The following SPTY2D1 variants were observed in gnomAD, a reference collection of about 807,000 sequenced individuals.
SPTY2D1 encodes protein SPT2 homolog.
SPTY2D1 carries 21 observed loss-of-function variants against 64.0 expected under a neutral mutation model. The ratio of observed to expected loss-of-function variants is 0.33; its 90% CI spans 0.23 to 0.47. The LOEUF (loss-of-function observed/expected upper bound fraction) is 0.47, where lower values mean the gene tolerates loss of function less well. SPTY2D1 is among the 20% of genes least tolerant of loss of function. The probability of loss-of-function intolerance (pLI) is 1.00; values close to 1 mark genes in which losing one functional copy is unlikely to be tolerated. For synonymous variants in SPTY2D1, 287 were observed against 286.8 expected (o/e 1.00, Z -0.01); for missense variants, 724 against 837.2 (o/e 0.86, Z 1.67).
Position 18,612,487 on chromosome 11 carries a change from A to G in SPTY2D1, c.1713T>C (p.Gly571=). The stretch of plus-strand genomic sequence containing the variant: ...CAGTAGGGAAGGGAAGCCTTTGAGG[A>G]CCTAAGAAACCATTATTTATAAGAA... ...PPLSGYRAAQ[G]PQRLPFPTGY... is the part of the protein sequence containing the mutation. Residue 571 remains glycine, a splice_region_variant and synonymous_variant, in exon 4 of 6, where the codon GGT becomes GGC. Coordinates refer to ENST00000336349, the MANE Select transcript of SPTY2D1 (RefSeq NM_194285.3). The surrounding 1 kb of genome is among the most constrained non-coding windows in gnomAD (Gnocchi z 4.6). The G allele has an allele frequency of 1.3e-6, 2 of 1,581,052 alleles. No homozygotes were observed. The highest frequency in any genetic ancestry group is 1.7e-6 in the Non-Finnish European group (2 of 1,168,864).
chr11:18,625,001 GA>G (rs1217028890), intron 1 of SPTY2D1, among the ~76,000 whole-genome samples: 4 of 148,244 alleles, frequency 2.7e-5, no homozygotes, highest in African/African-American at 4.9e-5. Context: ...TCCGTCTCAA[GA>G]AAAAAAAAAG....
intron 5 of SPTY2D1, 197 bp from the exon 6 acceptor site, chr11:18,610,151 AAG>A (rs1264429743): frequency 2.0e-6 from 1 of 495,400 alleles, no homozygotes; most frequent in African/African-American, 1.9e-5. Context: ...TCGTGGGAAA[AAG>A]AACTCACACA....
intron 1 of SPTY2D1, among the ~76,000 whole-genome samples, chr11:18,620,877 ACT>A (rs1042925406): frequency 1.5e-5 from 2 of 129,656 alleles, no homozygotes; most frequent in Middle Eastern, 3.4e-3. Context: ...ACAGAGCAAG[ACT>A]CTATCTCAAA....
intron 2 of SPTY2D1, among the ~76,000 whole-genome samples, chr11:18,616,422 T>A (rs1354818801): frequency 6.6e-6 from 1 of 152,244 alleles, no homozygotes; most frequent in East Asian, 1.9e-4. Context: ...TACTTAAACA[T>A]ATTGAATCAG....
At chr11:18,620,059 A>C (rs1018216024) in intron 1 of SPTY2D1, among the ~76,000 whole-genome samples, 1 of 152,228 alleles carries the variant, frequency 6.6e-6, no homozygotes, top group African/African-American at 2.4e-5. Context: ...AAGGGAAAAC[A>C]TCAGTGTCAA....
At chr11:18,633,399 C>G (rs921318232) in intron 1 of SPTY2D1, among the ~76,000 whole-genome samples, 1 of 152,186 alleles carries the variant, frequency 6.6e-6, no homozygotes, top group African/African-American at 2.4e-5. Flanking sequence ...ATCTGAAAAT[C>G]TGGAAATGAT....
intron 1 of SPTY2D1, among the ~76,000 whole-genome samples, chr11:18,626,790 A>T (rs73424455): frequency 2.1e-3 from 314 of 152,306 alleles, no homozygotes; most frequent in African/African-American, 7.1e-3. Flanking sequence ...TCAGAAAGAG[A>T]TTATCTTGGT....
intron 1 of SPTY2D1, among the ~76,000 whole-genome samples, chr11:18,621,362 AAAGAAAAG>A (rs1319637913): frequency 6.6e-6 from 1 of 151,148 alleles, no homozygotes; most frequent in Non-Finnish European, 1.5e-5. Context: ...AAAGAAAAGA[AAAGAAAAG>A]AAAAGAAACA....
rs750674606 is a variant in SPTY2D1 at position 18,615,181 on chromosome 11, T to C, written c.1093A>G (p.Ser365Gly). The C allele has an allele frequency of 1.9e-6, 3 of 1,614,236 alleles. No individual in the cohort carries two copies. The highest frequency in any genetic ancestry group is 2.5e-6 in the Non-Finnish European group (3 of 1,180,044). The change falls in exon 3 of 6, where the codon AGT (serine) becomes GGT (glycine). Residue 365 changes from serine (S) to glycine (G), a missense_variant. By Grantham distance (56) the Ser-to-Gly change is moderately conservative (BLOSUM62 0). Coordinates refer to ENST00000336349, the MANE Select transcript of SPTY2D1 (RefSeq NM_194285.3). Reference protein sequence around the residue: ...PMVTPHNKAKSPGVRQPGSSS... With the variant: ...PMVTPHNKAKGPGVRQPGSSS... The stretch of plus-strand genomic sequence containing the variant: ...CTGCCTGGCTGCCTGACACCTGGAC[T>C]CTTAGCCTTATTGTGTGGGGTGACC...
intron 1 of SPTY2D1, among the ~76,000 whole-genome samples, chr11:18,630,286 C>T (rs1228388499): frequency 6.6e-6 from 1 of 151,988 alleles, no homozygotes; most frequent in Non-Finnish European, 1.5e-5. Flanking sequence ...ACCATCCTGA[C>T]CAACATGGTG....
intron 5 of SPTY2D1, 113 bp downstream of exon 5, chr11:18,611,364 G>C: frequency 1.1e-6 from 1 of 919,878 alleles, no homozygotes; most frequent in Non-Finnish European, 1.7e-6. Flanking sequence ...AACAGGATTG[G>C]AATCCAGAAT....
chr11:18,627,566 A>T (rs930491496), intron 1 of SPTY2D1, among the ~76,000 whole-genome samples: 2 of 151,968 alleles, frequency 1.3e-5, no homozygotes, highest in African/African-American at 4.8e-5. Context: ...AACATAGTGA[A>T]ACCCCATCTC....
rs550035190 is a variant in SPTY2D1 at position 18,609,651 on chromosome 11, G to T, written c.*210C>A. On this transcript the variant is annotated 3_prime_UTR_variant, in exon 6 of 6. Transcript: ENST00000336349. ...AGTTAACTTCATAAGAGCACAAGTG[G>T]GCATTATATCATCTGCATTACAGAT... is the stretch of plus-strand genomic sequence containing the variant. The T allele has an allele frequency of 1.7e-6, 1 of 573,680 alleles. No individual in the cohort carries two copies. Among genetic ancestry groups the T allele is most frequent in the Non-Finnish European group, 3.1e-6 (1 of 324,132 alleles). The allele number at this position is 573,680 out of a possible 1,614,324, so 35.5% of individuals were successfully genotyped here. A position where few individuals can be genotyped will look rare whatever the true frequency, so the allele number is the denominator to read the frequency against.
In SPTY2D1 at chr11:18,612,775, T is replaced by G. The variant is rs988620248; in HGVS notation, c.1712-287A>C. The stretch of plus-strand genomic sequence containing the variant: ...CAGTAAAATTTCTTTCTTTCTTTTT[T>G]TTTTTTTTGAGACAGAGTTTCACTT... On this transcript the variant is annotated intron_variant, in intron 3 of 5. Transcript: ENST00000336349. This position sits in a 1 kb window ranked among gnomAD's most constrained non-coding sequence, Gnocchi z 4.6. Among the ~76,000 whole-genome samples the G allele has an allele frequency of 2.0e-5, 3 of 152,016 alleles. No individual in the cohort carries two copies. Among genetic ancestry groups the G allele is most frequent in the Non-Finnish European group, 4.4e-5 (3 of 67,982 alleles).
intron 5 of SPTY2D1, 38 bp from the exon 6 acceptor site, chr11:18,609,992 A>G (rs1452883999): frequency 1.3e-6 from 2 of 1,544,036 alleles, no homozygotes; most frequent in Admixed American, 3.4e-5. Flanking sequence ...GTCAATATAC[A>G]TGAGATGACC....
intron 4 of SPTY2D1, 40 bp from the exon 5 acceptor site, chr11:18,611,594 C>A: frequency 1.3e-6 from 2 of 1,541,990 alleles, no homozygotes; most frequent in South Asian, 2.3e-5. Flanking sequence ...GAGAAAACTT[C>A]AATTTTCTAA....
rs1854294471 is a variant in SPTY2D1 at position 18,616,012 on chromosome 11, T to C, written c.262A>G (p.Arg88Gly). ...TAACCATGGAAATTATCCTTTGTCCTCTTGGCCATAGCTCTTGCTTTCTTG... is the reference window on the plus strand; with the variant it reads ...TAACCATGGAAATTATCCTTTGTCCCCTTGGCCATAGCTCTTGCTTTCTTG... ...HDKKARAMAK[R>G]TKDNFHGYNG... The change falls in exon 3 of 6, where the codon AGG becomes GGG. Residue 88 changes from arginine (R) to glycine (G), a missense_variant. Coordinates refer to ENST00000336349, the MANE Select transcript of SPTY2D1 (RefSeq NM_194285.3). The C allele has an allele frequency of 3.1e-6, 5 of 1,614,244 alleles. No individual in the cohort carries two copies. Among genetic ancestry groups the C allele is most frequent in the Non-Finnish European group, 4.2e-6 (5 of 1,180,042 alleles).
intron 1 of SPTY2D1, among the ~76,000 whole-genome samples, chr11:18,630,871 G>A (rs555810253): frequency 2.0e-5 from 3 of 151,918 alleles, no homozygotes; most frequent in African/African-American, 7.2e-5. Flanking sequence ...ACCCCGGCTG[G>A]AGTGCAGTGG....
In SPTY2D1 at chr11:18,611,564, G is replaced by A. The variant is rs1174528878; in HGVS notation, c.1887-10C>T. 1 of 1,609,348 alleles carries A rather than the reference G, an allele frequency of 6.2e-7. No homozygotes were observed. Among genetic ancestry groups the A allele is most frequent in the African/African-American group, 1.3e-5 (1 of 74,676 alleles). The stretch of plus-strand genomic sequence containing the variant: ...ACTTTCATCTTTGTATCTGATAAAA[G>A]GAAATCAAAATGATAAAAAGAGAAA... On this transcript the variant is annotated splice_polypyrimidine_tract_variant and intron_variant, in intron 4 of 5. Coordinates refer to ENST00000336349, the MANE Select transcript of SPTY2D1 (RefSeq NM_194285.3).
Sources: gnomAD v4.1 joint callset for allele counts (sites outside exome capture counted in the v4.1 genomes callset) on GRCh38, gnomAD v4.1.1 for gene constraint, Gnocchi (gnomAD v3.1) non-coding constraint, MANE v1.5 for transcripts, NCBI Gene and HGNC (gene_info 2026-07-23, HGNC 2026-07-21) for gene names.